TRPC4: variants seen among roughly 807,000 people sequenced by gnomAD.
TRPC4 encodes short transient receptor potential channel 4.
TRPC4 carries 49 observed loss-of-function variants against 99.4 expected under a neutral mutation model. That is an observed-to-expected ratio of 0.49 (90% CI 0.39 to 0.63). TRPC4 has a LOEUF of 0.63. TRPC4 is among the 20% of genes least tolerant of loss of function. The pLI is 0.00. For synonymous variants in TRPC4, 454 were observed against 425.9 expected (o/e 1.07, Z -0.81); for missense variants, 898 against 1,152.9 (o/e 0.78, Z 3.20).
chr13:37,848,963 T>C (rs185710812), intron 1 of TRPC4, among the ~76,000 whole-genome samples: 10 of 152,298 alleles, frequency 6.6e-5, no homozygotes, highest in Admixed American at 1.3e-4. Context: ...ATAATATGCC[T>C]AAAGTCCTGC....
chr13:37,733,236 G>A (rs919166015), intron 3 of TRPC4, among the ~76,000 whole-genome samples: 1 of 152,124 alleles, frequency 6.6e-6, no homozygotes, highest in African/African-American at 2.4e-5. Context: ...CAGCACCAAT[G>A]CGCTCCAGCT....
chr13:37,850,248 G>A (rs996920734), intron 1 of TRPC4, among the ~76,000 whole-genome samples: 8 of 152,172 alleles, frequency 5.3e-5, no homozygotes, highest in African/African-American at 1.7e-4. Context: ...CCTGAAAAAT[G>A]TCACCTCAAT....
At chr13:37,650,626 C>CACAT (rs1300785970) in intron 8 of TRPC4, among the ~76,000 whole-genome samples, 2 of 151,118 alleles carry the variant, frequency 1.3e-5, no homozygotes, top group Non-Finnish European at 2.9e-5. Flanking sequence ...CACACACACA[C>CACAT]ACACACACAT....
intron 1 of TRPC4, among the ~76,000 whole-genome samples, chr13:37,840,684 G>T (rs1958707493): frequency 6.6e-6 from 1 of 151,704 alleles, no homozygotes; most frequent in Admixed American, 6.6e-5. Flanking sequence ...TAATGTTCTA[G>T]TCTCATTTTA....
At chr13:37,860,701 C>T (rs1959249122) in intron 1 of TRPC4, among the ~76,000 whole-genome samples, 1 of 151,376 alleles carries the variant, frequency 6.6e-6, no homozygotes. Flanking sequence ...GCACCACCTA[C>T]ATATGGAAGT....
chr13:37,756,842 A>G (rs946665889), intron 2 of TRPC4, among the ~76,000 whole-genome samples: 2 of 151,874 alleles, frequency 1.3e-5, no homozygotes, highest in Non-Finnish European at 2.9e-5. Context: ...GCCTAAATAC[A>G]CTAATAGTTT....
chr13:37,746,877 T>C (rs1271600006), intron 2 of TRPC4, among the ~76,000 whole-genome samples: 1 of 152,186 alleles, frequency 6.6e-6, no homozygotes, highest in Non-Finnish European at 1.5e-5. Context: ...AAGCTCTTTC[T>C]CTGCAGTAGA....
intron 1 of TRPC4, among the ~76,000 whole-genome samples, chr13:37,837,915 T>C (rs1958611586): frequency 6.6e-6 from 1 of 152,070 alleles, no homozygotes; most frequent in Non-Finnish European, 1.5e-5. Flanking sequence ...TGGGGGCAAA[T>C]TTTTCCCATG....
At chr13:37,698,843 A>G (rs1460569454) in intron 3 of TRPC4, among the ~76,000 whole-genome samples, 1 of 152,178 alleles carries the variant, frequency 6.6e-6, no homozygotes, top group Non-Finnish European at 1.5e-5. Flanking sequence ...ACTGGGATTC[A>G]GTGGGCATGA....
At chr13:37,793,444 A>G (rs1420454168) in intron 1 of TRPC4, among the ~76,000 whole-genome samples, 1 of 92,930 alleles carries the variant, frequency 1.1e-5, no homozygotes, top group Non-Finnish European at 2.1e-5. Flanking sequence ...CCCTCCCCCT[A>G]CCCCACAACA....
Position 37,783,114 on chromosome 13 carries a change from G to T in TRPC4, c.220C>A (p.Leu74Ile). 1.2e-6 allele frequency: 2 copies of T among 1,613,386 alleles called. No individual in the cohort carries two copies. The highest frequency in any genetic ancestry group is 1.7e-6 in the Non-Finnish European group (2 of 1,179,730). Residue 74 changes from leucine to isoleucine, a missense_variant, in exon 2 of 11, where the codon CTC becomes ATC. Physicochemically the swap from Leu to Ile is conservative, Grantham distance 5 (BLOSUM62 2). Transcript: ENST00000379705. ...NCIDPLGRTA[L>I]LIAIENENLE... ...TTCTCATTTTCAATTGCAATGAGGA[G>T]AGCAGTTCTTCCGAGAGGATCAATG...
chr13:37,680,138 G>A (rs1020225865), intron 4 of TRPC4, among the ~76,000 whole-genome samples: 7 of 152,208 alleles, frequency 4.6e-5, no homozygotes, highest in African/African-American at 1.7e-4. Context: ...ACAAGGCACA[G>A]AGTTATGTGC....
chr13:37,708,997 G>T (rs946545914), intron 3 of TRPC4, among the ~76,000 whole-genome samples: 1 of 151,746 alleles, frequency 6.6e-6, no homozygotes, highest in African/African-American at 2.4e-5. Flanking sequence ...ATAATCTTCT[G>T]TCATATCTGT....
intron 1 of TRPC4, among the ~76,000 whole-genome samples, chr13:37,792,159 AG>A (rs1161388304): frequency 6.6e-6 from 1 of 152,206 alleles, no homozygotes; most frequent in Admixed American, 6.5e-5. Flanking sequence ...AGTTTCATCA[AG>A]GGTTTACAAG....
At position 37,745,489 on chromosome 13, in the gene TRPC4, C is replaced by T. The variant is rs1566138506; in HGVS notation, c.897+448G>A. ...ATATATATATACACACACACACACACTTATATATACGTATATATGTATATA... is the reference window on the plus strand; with the variant it reads ...ATATATATATACACACACACACACATTTATATATACGTATATATGTATATA... On this transcript the variant is annotated intron_variant, in intron 3 of 10. Transcript: ENST00000379705. 3.0e-4 allele frequency among the ~76,000 whole-genome samples: 34 copies of T among 114,310 alleles called. 1 individual carries two copies. The highest frequency in any genetic ancestry group is 6.7e-4 in the Admixed American group (8 of 11,866). 75.0% of individuals were successfully genotyped at this position (114,310 alleles called of 152,430 possible). A position where few individuals can be genotyped will look rare whatever the true frequency, so the allele number is the denominator to read the frequency against.
chr13:37,689,322 C>T lies in TRPC4; in HGVS notation c.1234+2677G>A, dbSNP rs1358660051. The stretch of plus-strand genomic sequence containing the variant: ...GTCCAGTGCCTTTTGCAGAACAGCC[C>T]AACAACATAGCACACACCCCTTATA... On this transcript the variant is annotated intron_variant, in intron 4 of 10. Transcript: ENST00000379705. Among the ~76,000 whole-genome samples the T allele has an allele frequency of 2.0e-5, 3 of 152,074 alleles. No individual in the cohort carries two copies. In the East Asian group the frequency reaches 5.8e-4, roughly 29 times the overall value.
At position 37,827,789 on chromosome 13, in the gene TRPC4, G is replaced by A. The variant is rs1383491425; in HGVS notation, c.-28+41806C>T. 3.9e-5 allele frequency among the ~76,000 whole-genome samples: 6 copies of A among 152,342 alleles called. No individual in the cohort carries two copies. In the South Asian group the frequency reaches 1.0e-3, roughly 26 times the overall value. On this transcript the variant is annotated intron_variant, in intron 1 of 10. Transcript: ENST00000379705. The stretch of plus-strand genomic sequence containing the variant: ...GGCAGGCAGGCCTCCTTGAGCTGTG[G>A]TGGGCTCCACCCAGTTCCAGCTTCC...
At chr13:37,858,423 G>A (rs1217566938) in intron 1 of TRPC4, among the ~76,000 whole-genome samples, 1 of 151,060 alleles carries the variant, frequency 6.6e-6, no homozygotes, top group African/African-American at 2.4e-5. Context: ...CCCACTGCAG[G>A]GTATATACCC....
In TRPC4 at chr13:37,698,167, C is replaced by CTTTTTTTTTTTTTTTTTTTTTTTGT. The variant is rs67611413; in HGVS notation, c.898-5833_898-5832insACAAAAAAAAAAAAAAAAAAAAAAA. Among the ~76,000 whole-genome samples the CTTTTTTTTTTTTTTTTTTTTTTTGT allele has an allele frequency of 4.7e-5, 2 of 42,556 alleles. 1 individual carries two copies. Among genetic ancestry groups the CTTTTTTTTTTTTTTTTTTTTTTTGT allele is most frequent in the African/African-American group, 2.1e-4 (2 of 9,546 alleles). 27.9% of individuals were successfully genotyped at this position (42,556 alleles called of 152,430 possible). A position where few individuals can be genotyped will look rare whatever the true frequency, so the allele number is the denominator to read the frequency against. On this transcript the variant is annotated intron_variant, in intron 3 of 10. Transcript: ENST00000379705. ...TCTCAAGGTTACTCCAAGGACTAAC[C>CTTTTTTTTTTTTTTTTTTTTTTTGT]TTTTTTTTTTTGAGTGGGAATCTCA...
Sources: gnomAD v4.1 joint callset for allele counts (sites outside exome capture counted in the v4.1 genomes callset) on GRCh38, gnomAD v4.1.1 for gene constraint, MANE v1.5 for transcripts, NCBI Gene and HGNC (gene_info 2026-07-23, HGNC 2026-07-21) for gene names.